The following MYO5B variants were observed in gnomAD, a reference collection of about 807,000 sequenced individuals.
MYO5B encodes myosin VB.
MYO5B carries 143 observed loss-of-function variants against 229.3 expected under a neutral mutation model. That is an observed-to-expected ratio of 0.62 (90% CI 0.54 to 0.72). The LOEUF (loss-of-function observed/expected upper bound fraction) is 0.72, where lower values mean the gene tolerates loss of function less well. MYO5B is among the 30% of genes least tolerant of loss of function. MYO5B has a pLI of 0.00. For synonymous variants in MYO5B, 918 were observed against 885.2 expected (o/e 1.04, Z -0.66); for missense variants, 2,321 against 2,331.0 (o/e 1.00, Z 0.09).
At chr18:50,180,440 A>T (rs2033056976) in intron 1 of MYO5B, among the ~76,000 whole-genome samples, 1 of 152,152 alleles carries the variant, frequency 6.6e-6, no homozygotes, top group African/African-American at 2.4e-5. Flanking sequence ...AAGCTGAGGA[A>T]CCAGGACTCA....
chr18:49,895,099 T>C lies in MYO5B; in HGVS notation c.2887A>G (p.Lys963Glu). The stretch of plus-strand genomic sequence containing the variant: ...TGCTGGTAGTGCACCAGCTCCTTCT[T>C]CAGCCGCTCTACCTCCATGGTGTAT... ...STYTMEVERL[K>E]KELVHYQQSP... Residue 963 changes from lysine (K) to glutamate (E), a missense_variant, in exon 22 of 40, where the codon AAG (lysine) becomes GAG (glutamate). Lys to Glu is a moderately conservative substitution (Grantham distance 56). Transcript: ENST00000285039. The C allele has an allele frequency of 6.2e-7, 1 of 1,614,172 alleles. No individual in the cohort carries two copies. Among genetic ancestry groups the C allele is most frequent in the South Asian group, 1.1e-5 (1 of 91,086 alleles).
rs374061625 is a variant in MYO5B at position 50,152,590 on chromosome 18, G to C, written c.27+42177C>G. Among the ~76,000 whole-genome samples, 58 of 152,274 alleles carry C rather than the reference G, an allele frequency of 3.8e-4. 1 individual carries two copies. In the South Asian group the frequency reaches 0.011, roughly 30 times the overall value. On this transcript the variant is annotated intron_variant, in intron 1 of 39. Coordinates refer to ENST00000285039, the MANE Select transcript of MYO5B (RefSeq NM_001080467.3). Reference sequence around the variant, plus strand: ...ATATTAAAGACAACCCACAGGTCTTGACATCACAAGCTTTGCCACATAAGA... The same window carrying C: ...ATATTAAAGACAACCCACAGGTCTTCACATCACAAGCTTTGCCACATAAGA...
At chr18:50,132,452 G>T (rs2032268840) in intron 1 of MYO5B, among the ~76,000 whole-genome samples, 1 of 152,180 alleles carries the variant, frequency 6.6e-6, no homozygotes, top group African/African-American at 2.4e-5. Flanking sequence ...CAGGTACTGT[G>T]ATATGACATC....
intron 22 of MYO5B, among the ~76,000 whole-genome samples, chr18:49,892,646 G>A (rs2024728693): frequency 6.6e-6 from 1 of 152,078 alleles, no homozygotes; most frequent in Non-Finnish European, 1.5e-5. Context: ...CAGTGCCTTT[G>A]ATAAATATTA....
At chr18:50,086,854 C>A (rs1282835622) in intron 1 of MYO5B, among the ~76,000 whole-genome samples, 4 of 152,086 alleles carry the variant, frequency 2.6e-5, no homozygotes, top group Admixed American at 1.3e-4. Flanking sequence ...GGTCAACTCA[C>A]AGAAATGCAA....
intron 4 of MYO5B, among the ~76,000 whole-genome samples, chr18:50,008,590 C>G (rs923061614): frequency 6.6e-6 from 1 of 152,130 alleles, no homozygotes; most frequent in South Asian, 2.1e-4. Context: ...AGGTACAACT[C>G]TATTTACCTG....
intron 29 of MYO5B, among the ~76,000 whole-genome samples, chr18:49,859,162 C>G (rs778197674): frequency 1.7e-4 from 26 of 152,320 alleles, no homozygotes; most frequent in Non-Finnish European, 3.2e-4. Flanking sequence ...CTGTAATGAG[C>G]CCGTGGCCCG....
At chr18:50,044,651 C>G (rs1011605631) in intron 2 of MYO5B, among the ~76,000 whole-genome samples, 3 of 151,988 alleles carry the variant, frequency 2.0e-5, no homozygotes, top group Admixed American at 6.6e-5. Flanking sequence ...AGGGTAGCCC[C>G]GAGCCCCATG....
chr18:49,870,849 T>C (rs1407119970), intron 27 of MYO5B, among the ~76,000 whole-genome samples: 1 of 152,206 alleles, frequency 6.6e-6, no homozygotes, highest in African/African-American at 2.4e-5. Context: ...CTGGTGGGAA[T>C]GTAAAATGGT....
intron 3 of MYO5B, among the ~76,000 whole-genome samples, chr18:50,039,471 A>G (rs1004341606): frequency 2.0e-4 from 31 of 151,978 alleles, no homozygotes; most frequent in African/African-American, 6.8e-4. Context: ...AGCTGGGACT[A>G]CAGGCGCCCG....
At chr18:49,955,515 C>A (rs923274764) in intron 12 of MYO5B, among the ~76,000 whole-genome samples, 2 of 152,200 alleles carry the variant, frequency 1.3e-5, no homozygotes, top group Non-Finnish European at 2.9e-5. Flanking sequence ...GTGACCCTTG[C>A]ACTAGCCGTT....
intron 2 of MYO5B, among the ~76,000 whole-genome samples, chr18:50,041,848 A>G (rs533847931): frequency 6.6e-6 from 1 of 152,348 alleles, no homozygotes; most frequent in East Asian, 1.9e-4. Context: ...GAAAAGGGAA[A>G]AGGAGACAGC....
intron 10 of MYO5B, among the ~76,000 whole-genome samples, chr18:49,971,600 A>C (rs188672796): frequency 6.6e-6 from 1 of 152,354 alleles, no homozygotes; most frequent in Non-Finnish European, 1.5e-5. Context: ...AGTTCATTAC[A>C]TACCCTCTCA....
intron 16 of MYO5B, 46 bp downstream of exon 16, chr18:49,936,206 A>T: frequency 6.7e-7 from 1 of 1,501,506 alleles, no homozygotes; most frequent in Non-Finnish European, 9.1e-7. Flanking sequence ...TTCCACCTGA[A>T]CCTCTAAGGC....
chr18:49,836,977 G>C (rs111844238), intron 37 of MYO5B, 92 bp from the exon 38 acceptor site: 5 of 1,208,766 alleles, frequency 4.1e-6, no homozygotes, highest in Non-Finnish European at 6.0e-6. Flanking sequence ...GCCCGCTGCA[G>C]CTAGTGCCAT....
intron 1 of MYO5B, among the ~76,000 whole-genome samples, chr18:50,100,953 A>T (rs2031643312): frequency 6.6e-6 from 1 of 152,200 alleles, no homozygotes; most frequent in Admixed American, 6.5e-5. Flanking sequence ...TTCAGTTACT[A>T]TTTGGCAATT....
Position 50,055,281 on chromosome 18 carries a change from A to G in MYO5B, c.125T>C (p.Leu42Pro). 4.2e-6 allele frequency: 6 copies of G among 1,440,836 alleles called. No individual in the cohort carries two copies. The highest frequency in any genetic ancestry group is 5.5e-6 in the Non-Finnish European group (6 of 1,084,144). The allele number at this position is 1,440,836 out of a possible 1,614,324, so 89.3% of individuals were successfully genotyped here. Residue 42 changes from leucine to proline, a missense_variant, in exon 2 of 40, where the codon CTG (leucine) becomes CCG (proline). Leu to Pro is a moderately conservative substitution (Grantham distance 98). Coordinates refer to ENST00000285039, the MANE Select transcript of MYO5B (RefSeq NM_001080467.3). ...KEGDKSLQLR[L>P]EDETILEYPI... ...ACTCACTCTTACCGTTTCATCCTCC[A>G]GTCTGAGCTGTAGGCTCTTGTCTCC...
chr18:49,837,908 A>C, intron 36 of MYO5B, 106 bp from the exon 37 acceptor site: 1 of 1,419,434 alleles, frequency 7.0e-7, no homozygotes, highest in East Asian at 2.3e-5. Context: ...GATACCATCC[A>C]GAGGTGTGCA....
intron 8 of MYO5B, among the ~76,000 whole-genome samples, chr18:49,981,435 C>A (rs1325922948): frequency 1.3e-5 from 2 of 152,156 alleles, no homozygotes; most frequent in Non-Finnish European, 2.9e-5. Flanking sequence ...ATGTGCCATG[C>A]TAGGATTAAA....
Sources: allele counts gnomAD v4.1 joint callset (sites outside exome capture counted in the v4.1 genomes callset), GRCh38; gene constraint gnomAD v4.1.1; transcripts MANE v1.5; gene names NCBI Gene and HGNC (gene_info 2026-07-23, HGNC 2026-07-21).